The following PCDH15 variants were observed in gnomAD, a reference collection of about 807,000 sequenced individuals.
PCDH15 encodes the protein protocadherin-15.
In PCDH15, 129 loss-of-function variants were observed where a neutral mutation model predicts 178.5. The ratio of observed to expected loss-of-function variants is 0.72; its 90% confidence interval spans 0.63 to 0.84. The LOEUF is 0.84. Ranked by LOEUF, PCDH15 falls within the 40% of genes least tolerant of loss-of-function variation. The probability of loss-of-function intolerance (pLI) is 0.00; values close to 1 mark genes in which losing one functional copy is unlikely to be tolerated. For missense variants in PCDH15, 2,230 were observed against 2,099.9 expected (o/e 1.06, Z -1.21); for synonymous variants, 800 against 732.0 (o/e 1.09, Z -1.50).
chr10:54,648,138 G>T (rs2094172690), intron 2 of PCDH15, among the ~76,000 whole-genome samples: 1 of 151,950 alleles, frequency 6.6e-6, no homozygotes, highest in Admixed American at 6.6e-5. Flanking sequence ...ATTCCAAGGG[G>T]TTCCTCTGAT....
intron 2 of PCDH15, among the ~76,000 whole-genome samples, chr10:55,406,467 C>T (rs965353515): frequency 6.6e-6 from 1 of 151,888 alleles, no homozygotes; most frequent in Non-Finnish European, 1.5e-5. Context: ...TCATAATGGG[C>T]TAGTTACATA....
chr10:54,262,620 G>A (rs779266971), intron 8 of PCDH15, among the ~76,000 whole-genome samples: 23 of 152,128 alleles, frequency 1.5e-4, no homozygotes, highest in Non-Finnish European at 2.5e-4. Context: ...AGTACACCAC[G>A]CAGGGACATT....
At chr10:54,793,183 G>A (rs1255960617) in intron 1 of PCDH15, among the ~76,000 whole-genome samples, 1 of 151,912 alleles carries the variant, frequency 6.6e-6, no homozygotes, top group Non-Finnish European at 1.5e-5. Flanking sequence ...TGCAAGTCTA[G>A]GCTAGTTAGC....
chr10:54,689,584 A>C (rs1267957960), intron 1 of PCDH15, among the ~76,000 whole-genome samples: 1 of 152,212 alleles, frequency 6.6e-6, no homozygotes, highest in Non-Finnish European at 1.5e-5. Context: ...AATATAACAT[A>C]TTTGGCATAT....
At chr10:55,359,957 G>A (rs550516503) in intron 2 of PCDH15, among the ~76,000 whole-genome samples, 1 of 151,652 alleles carries the variant, frequency 6.6e-6, no homozygotes, top group African/African-American at 2.4e-5. Flanking sequence ...TTTAAGCAGA[G>A]AGTAGAAAGG....
intron 3 of PCDH15, among the ~76,000 whole-genome samples, chr10:54,421,824 A>ACC (rs1955434195): frequency 1.3e-5 from 1 of 76,084 alleles, no homozygotes; most frequent in Non-Finnish European, 2.8e-5. Flanking sequence ...GTGTATATAT[A>ACC]TATATATATA....
intron 1 of PCDH15, among the ~76,000 whole-genome samples, chr10:54,695,190 A>C (rs142448507): frequency 6.6e-6 from 1 of 152,184 alleles, no homozygotes. Context: ...CGTTGTGCAC[A>C]TGTACCCTAA....
intron 2 of PCDH15, among the ~76,000 whole-genome samples, chr10:54,964,134 T>C (rs1484896745): frequency 6.6e-6 from 1 of 152,226 alleles, no homozygotes; most frequent in Admixed American, 6.5e-5. Context: ...TTCTTGGTAC[T>C]ATCTGGAAGC....
intron 1 of PCDH15, among the ~76,000 whole-genome samples, chr10:55,202,601 C>T (rs533380661): frequency 3.9e-5 from 6 of 152,120 alleles, no homozygotes; most frequent in Admixed American, 2.0e-4. Flanking sequence ...GACAAATGGA[C>T]ACTCTCCTTG....
At chr10:54,216,543 G>T (rs1209893121) in intron 9 of PCDH15, among the ~76,000 whole-genome samples, 1 of 152,112 alleles carries the variant, frequency 6.6e-6, no homozygotes, top group African/African-American at 2.4e-5. Context: ...GCAAAGATAA[G>T]CAAAGATGCT....
At chr10:54,590,155 C>A (rs1237036351) in intron 2 of PCDH15, among the ~76,000 whole-genome samples, 2 of 152,026 alleles carry the variant, frequency 1.3e-5, no homozygotes, top group South Asian at 2.1e-4. Flanking sequence ...ATTTAGTGAA[C>A]TTTTAAACAA....
chr10:53,865,932 A>G (rs923391423), intron 27 of PCDH15, among the ~76,000 whole-genome samples: 3 of 152,300 alleles, frequency 2.0e-5, no homozygotes, highest in Non-Finnish European at 4.4e-5. Flanking sequence ...CAAAACTCCA[A>G]ATAACCCATG....
At chr10:54,236,507 A>G (rs2054638851) in intron 9 of PCDH15, among the ~76,000 whole-genome samples, 1 of 152,100 alleles carries the variant, frequency 6.6e-6, no homozygotes, top group Admixed American at 6.6e-5. Context: ...TAAAGCTGAA[A>G]GTTGGTGCTA....
chr10:53,877,072 G>A (rs4488105), intron 26 of PCDH15, among the ~76,000 whole-genome samples: 96,821 of 151,908 alleles, frequency 0.64, 31,558 homozygotes, highest in Middle Eastern at 0.78. Flanking sequence ...AAAATTATAT[G>A]GTAAATTCTG....
At chr10:54,073,138 T>C (rs1202978933) in intron 17 of PCDH15, among the ~76,000 whole-genome samples, 2 of 151,396 alleles carry the variant, frequency 1.3e-5, no homozygotes, top group African/African-American at 2.4e-5. Flanking sequence ...TATGTGTGTA[T>C]GTATGTATAC....
chr10:54,541,765 AT>A (rs1193083798), intron 2 of PCDH15, among the ~76,000 whole-genome samples: 4 of 152,120 alleles, frequency 2.6e-5, no homozygotes, highest in Non-Finnish European at 5.9e-5. Context: ...CTAATTTGTT[AT>A]TTTTTCTAAT....
At chr10:54,416,876 T>C (rs1256962826) in intron 3 of PCDH15, among the ~76,000 whole-genome samples, 7 of 152,222 alleles carry the variant, frequency 4.6e-5, no homozygotes, top group Non-Finnish European at 8.8e-5. Context: ...TAATGATCCC[T>C]GATGTTGAGC....
chr10:54,296,660 T>A (rs2059811287), intron 8 of PCDH15, among the ~76,000 whole-genome samples: 1 of 152,064 alleles, frequency 6.6e-6, no homozygotes, highest in Non-Finnish European at 1.5e-5. Context: ...CAAAGCCCCA[T>A]CGGAGGAGCC....
At chr10:54,582,682 G>T (rs1275167572) in intron 2 of PCDH15, among the ~76,000 whole-genome samples, 1 of 152,028 alleles carries the variant, frequency 6.6e-6, no homozygotes, top group Non-Finnish European at 1.5e-5. Context: ...GGAGGCTAAG[G>T]CTGGAGGATT....
Sources: allele counts gnomAD v4.1 joint callset (sites outside exome capture counted in the v4.1 genomes callset), GRCh38; gene constraint gnomAD v4.1.1; transcripts MANE v1.5; gene names NCBI Gene and HGNC (gene_info 2026-07-23, HGNC 2026-07-21).